The following GRB10 variants were observed in gnomAD, a reference collection of about 807,000 sequenced individuals.
GRB10 encodes the protein growth factor receptor bound protein 10, also known as growth factor receptor-bound protein 10.
In GRB10, 20 loss-of-function variants were observed where a neutral mutation model predicts 80.9. The observed-to-expected ratio is 0.25, with a 90% CI of 0.17 to 0.36. The LOEUF (loss-of-function observed/expected upper bound fraction) is 0.36, where lower values mean the gene tolerates loss of function less well. Among genes scored for constraint, GRB10 ranks in the 10% least tolerant of loss-of-function variants. GRB10 has a pLI of 1.00. For synonymous variants in GRB10, 291 were observed against 291.5 expected, an observed-to-expected ratio of 1.00 and a Z score of 0.02; for missense variants, 548 against 747.7, an observed-to-expected ratio of 0.73 and a Z score of 3.12.
intron 17 of GRB10, among the ~76,000 whole-genome samples, chr7:50,602,915 G>C (rs1319438441): frequency 6.6e-6 from 1 of 152,114 alleles, no homozygotes; most frequent in African/African-American, 2.4e-5. Context: ...AGGAGGAAGA[G>C]GAGGAGAAAA....
At chr7:50,685,728 G>T (rs1300887892) in intron 5 of GRB10, among the ~76,000 whole-genome samples, 1 of 152,188 alleles carries the variant, frequency 6.6e-6, no homozygotes, top group Non-Finnish European at 1.5e-5. Context: ...AGACAGTCAA[G>T]TAGAGGGCAT....
At chr7:50,701,585 T>A in intron 5 of GRB10, among the ~76,000 whole-genome samples, 1 of 151,516 alleles carries the variant, frequency 6.6e-6, no homozygotes, top group East Asian at 1.9e-4. Context: ...CTTGGTCTCT[T>A]AAAAAATAAA....
At chr7:50,727,198 G>C (rs1425176049) in intron 4 of GRB10, 1 of 152,220 alleles carries the variant, frequency 6.6e-6, no homozygotes, top group Admixed American at 6.5e-5. Context: ...TCAGCTTGCA[G>C]GCTGTCGAAT....
rs1179461930 is a variant in GRB10 at position 50,641,282 on chromosome 7, G to A, written c.505-14304C>T. 4.6e-5 allele frequency among the ~76,000 whole-genome samples: 7 copies of A among 151,782 alleles called. No individual in the cohort carries two copies. The East Asian group carries it at 1.3e-3, about 29-fold the overall frequency. On this transcript the variant is annotated intron_variant, in intron 7 of 18. Coordinates refer to ENST00000401949, the MANE Select transcript of GRB10 (RefSeq NM_001350814.2). ...ATTTTATACTCATCAAAAAAGGTGGGGGGGTAGCCTTCATTCAAACCTACA... is the reference window on the plus strand; with the variant it reads ...ATTTTATACTCATCAAAAAAGGTGGAGGGGTAGCCTTCATTCAAACCTACA...
At chr7:50,773,944 G>A (rs946197226) in intron 2 of GRB10, among the ~76,000 whole-genome samples, 2 of 152,168 alleles carry the variant, frequency 1.3e-5, no homozygotes, top group Non-Finnish European at 2.9e-5. Flanking sequence ...TGCAAGCTCC[G>A]CCTCCCGGGT....
chr7:50,762,887 G>A (rs1177492144), intron 2 of GRB10, among the ~76,000 whole-genome samples: 1 of 152,228 alleles, frequency 6.6e-6, no homozygotes, highest in Admixed American at 6.5e-5. Context: ...GGAGGCTGAG[G>A]CAGGTGGATC....
At chr7:50,686,696 G>T (rs1045299893) in intron 5 of GRB10, among the ~76,000 whole-genome samples, 1 of 152,084 alleles carries the variant, frequency 6.6e-6, no homozygotes, top group African/African-American at 2.4e-5. Context: ...CACCTGCAAG[G>T]TACCAGATAC....
At chr7:50,764,490 A>T (rs2076120936) in intron 2 of GRB10, among the ~76,000 whole-genome samples, 1 of 152,198 alleles carries the variant, frequency 6.6e-6, no homozygotes, top group East Asian at 1.9e-4. Flanking sequence ...GAGCCGACTT[A>T]AATATAGTAG....
intron 2 of GRB10, among the ~76,000 whole-genome samples, chr7:50,756,507 G>A (rs1342757368): frequency 6.6e-6 from 1 of 152,264 alleles, no homozygotes; most frequent in Non-Finnish European, 1.5e-5. Context: ...GCCTGGTACT[G>A]TTCTCAGCAG....
rs182901733 is a variant in GRB10 at position 50,753,870 on chromosome 7, A to G, written c.-47+2017T>C. ...CCAGTAAGAAAAGGCAGGAAGCCCA[A>G]GGCTGTCAGGTGATCCAGGAAGTGG... is the stretch of plus-strand genomic sequence containing the variant. On this transcript the variant is annotated intron_variant, in intron 3 of 18. Coordinates refer to ENST00000401949, the MANE Select transcript of GRB10 (RefSeq NM_001350814.2). Among the ~76,000 whole-genome samples the G allele has an allele frequency of 5.6e-3, 847 of 152,362 alleles. 14 individuals are homozygous for G. The highest frequency in any genetic ancestry group is 0.019 in the African/African-American group (807 of 41,582).
intron 3 of GRB10, among the ~76,000 whole-genome samples, chr7:50,750,750 G>A (rs1160238840): frequency 1.3e-5 from 2 of 152,148 alleles, no homozygotes; most frequent in East Asian, 1.9e-4. Context: ...ATCTAATTAT[G>A]CCAGCCACTT....
At chr7:50,638,004 C>A (rs2055401324) in intron 7 of GRB10, among the ~76,000 whole-genome samples, 1 of 152,168 alleles carries the variant, frequency 6.6e-6, no homozygotes, top group Admixed American at 6.5e-5. Flanking sequence ...TCTCTATGAA[C>A]ATCTCTATCC....
At chr7:50,658,905 C>G (rs1586493475) in intron 7 of GRB10, among the ~76,000 whole-genome samples, 1 of 152,174 alleles carries the variant, frequency 6.6e-6, no homozygotes, top group South Asian at 2.1e-4. Context: ...GTCGGGCCTT[C>G]GGGATTATTC....
chr7:50,663,075 G>A (rs779945040), intron 7 of GRB10, among the ~76,000 whole-genome samples: 4 of 152,192 alleles, frequency 2.6e-5, no homozygotes, highest in Non-Finnish European at 4.4e-5. Context: ...CCTGCTCCAC[G>A]GGTGAGGATG....
chr7:50,672,744 C>G (rs1485848182), intron 6 of GRB10, among the ~76,000 whole-genome samples: 1 of 152,204 alleles, frequency 6.6e-6, no homozygotes, highest in African/African-American at 2.4e-5. Flanking sequence ...CACCCTCGGG[C>G]ACCTTCGCCA....
chr7:50,633,694 T>C (rs796454157), intron 7 of GRB10, among the ~76,000 whole-genome samples: 7 of 87,598 alleles, frequency 8.0e-5, no homozygotes, highest in African/African-American at 2.9e-4. Context: ...GAGATAGATA[T>C]ATTAAAAACA....
At chr7:50,694,644 G>A (rs911982767) in intron 5 of GRB10, among the ~76,000 whole-genome samples, 10 of 152,120 alleles carry the variant, frequency 6.6e-5, no homozygotes, top group African/African-American at 9.7e-5. Flanking sequence ...CCACAGGCTG[G>A]CACTGATTAC....
chr7:50,722,984 A>G (rs1344316322), intron 4 of GRB10, among the ~76,000 whole-genome samples: 3 of 152,118 alleles, frequency 2.0e-5, no homozygotes, highest in Non-Finnish European at 4.4e-5. Flanking sequence ...CCATATAAGT[A>G]CCCTGCAAAT....
At chr7:50,713,590 T>A in intron 4 of GRB10, among the ~76,000 whole-genome samples, 1 of 78,768 alleles carries the variant, frequency 1.3e-5, no homozygotes, top group African/African-American at 4.9e-5. Context: ...CACCTCCACC[T>A]CCTCTACCAT....
Sources: gnomAD v4.1 joint callset for allele counts (sites outside exome capture counted in the v4.1 genomes callset) on GRCh38, gnomAD v4.1.1 for gene constraint, MANE v1.5 for transcripts, NCBI Gene and HGNC (gene_info 2026-07-23, HGNC 2026-07-21) for gene names.